Variants in FAM117A observed in about 807,000 individuals in gnomAD.
The protein encoded by FAM117A is protein FAM117A.
Under a neutral mutation model 44.1 loss-of-function variants are expected in FAM117A, and 21 were observed. The ratio of observed to expected loss-of-function variants is 0.48; its 90% CI spans 0.34 to 0.69. The LOEUF (loss-of-function observed/expected upper bound fraction) is 0.69. Ranked by LOEUF, FAM117A falls within the 30% of genes least tolerant of loss-of-function variation. The pLI, the probability that FAM117A is intolerant of heterozygous loss-of-function variation, is 0.01. For synonymous variants in FAM117A, 220 were observed against 238.3 expected (o/e 0.92, Z 0.71); for missense variants, 498 against 589.9 (o/e 0.84, Z 1.61).
At chr17:49,717,836 A>G (rs2073512566) in intron 5 of FAM117A, 122 bp from the exon 6 acceptor site, 1 of 757,788 alleles carries the variant, frequency 1.3e-6, no homozygotes, top group African/African-American at 1.8e-5. Context: ...CAACCACAGA[A>G]CACCATTTCC....
At chr17:49,742,621 G>A (rs2073639207) in intron 1 of FAM117A, among the ~76,000 whole-genome samples, 1 of 151,944 alleles carries the variant, frequency 6.6e-6, no homozygotes, top group African/African-American at 2.4e-5. Context: ...GCCTTTGCAA[G>A]AATAGCATAA....
chr17:49,777,268 A>C (rs2073777915), intron 1 of FAM117A, among the ~76,000 whole-genome samples: 1 of 152,148 alleles, frequency 6.6e-6, no homozygotes, highest in African/African-American at 2.4e-5. Context: ...AGGCTGCTGG[A>C]AGGGGAGGGG....
At chr17:49,767,257 G>A (rs983300462), upstream of FAM117A, among the ~76,000 whole-genome samples, 18 of 152,192 alleles carry the variant, frequency 1.2e-4, no homozygotes, top group African/African-American at 4.3e-4. Flanking sequence ...CTTTGGGGAG[G>A]CTGTGCACTG....
At chr17:49,745,021 A>C (rs2073649348) in intron 1 of FAM117A, among the ~76,000 whole-genome samples, 1 of 151,088 alleles carries the variant, frequency 6.6e-6, no homozygotes, top group African/African-American at 2.4e-5. Flanking sequence ...CTCAAAAAAA[A>C]AAAAAAAAAA....
intron 1 of FAM117A, among the ~76,000 whole-genome samples, chr17:49,777,542 A>G (rs1422733625): frequency 6.6e-6 from 1 of 152,146 alleles, no homozygotes; most frequent in Non-Finnish European, 1.5e-5. Flanking sequence ...GAGGGAAGAA[A>G]TAAGTGAGGC....
intron 2 of FAM117A, among the ~76,000 whole-genome samples, chr17:49,722,947 G>T (rs762246736): frequency 6.6e-6 from 1 of 152,148 alleles, no homozygotes; most frequent in Admixed American, 6.5e-5. Context: ...ATAGGCTCAG[G>T]CTCCGGGAAT....
At chr17:49,725,857 A>G (rs1797034985) in intron 2 of FAM117A, among the ~76,000 whole-genome samples, 1 of 152,238 alleles carries the variant, frequency 6.6e-6, no homozygotes, top group African/African-American at 2.4e-5. Flanking sequence ...ACGTCCTTAA[A>G]TAAGAAAGAG....
intron 1 of FAM117A, among the ~76,000 whole-genome samples, chr17:49,772,618 G>A (rs1040450468): frequency 3.3e-5 from 5 of 152,140 alleles, no homozygotes; most frequent in Admixed American, 3.3e-4. Context: ...CGGGTGTGGT[G>A]GTGGGCACCT....
chr17:49,744,444 C>G (rs571479572), intron 1 of FAM117A, among the ~76,000 whole-genome samples: 2 of 151,828 alleles, frequency 1.3e-5, no homozygotes, highest in African/African-American at 4.8e-5. Context: ...CTCAGCCTCC[C>G]GGGTAGCTGG....
intron 1 of FAM117A, among the ~76,000 whole-genome samples, chr17:49,749,109 G>A (rs2073665253): frequency 6.6e-6 from 1 of 152,166 alleles, no homozygotes; most frequent in Admixed American, 6.5e-5. Context: ...ACAAGGCGGT[G>A]GGTACAAACA....
intron 1 of FAM117A, among the ~76,000 whole-genome samples, chr17:49,746,865 T>C (rs1018307016): frequency 6.6e-6 from 1 of 152,164 alleles, no homozygotes; most frequent in Non-Finnish European, 1.5e-5. Flanking sequence ...AAAAAGGCTT[T>C]AGTTAGAATA....
intron 1 of FAM117A, among the ~76,000 whole-genome samples, chr17:49,772,168 C>T (rs947826122): frequency 2.0e-5 from 3 of 151,914 alleles, no homozygotes; most frequent in African/African-American, 7.3e-5. Flanking sequence ...TGGGGCATAC[C>T]TGTAGTCCCA....
intron 7 of FAM117A, among the ~76,000 whole-genome samples, chr17:49,711,983 A>G (rs549099700): frequency 2.6e-4 from 39 of 152,300 alleles, no homozygotes; most frequent in Non-Finnish European, 1.5e-5. Context: ...TGTCTCCAGT[A>G]AAAATACAAA....
chr17:49,732,984 C>T (rs1435211571), intron 1 of FAM117A: 2 of 443,208 alleles, frequency 4.5e-6, no homozygotes, highest in African/African-American at 2.0e-5. Context: ...TGTCCTCTAT[C>T]CTTTTCCTGC....
rs1424048913 is a variant in FAM117A, at chr17:49,720,344, T to G, written c.555A>C (p.Ala185=). The change falls in exon 4 of 8, where the codon GCA becomes GCC. Residue 185 remains alanine (A), a synonymous_variant. Transcript: ENST00000240364. ...ERGSPLLGDH[A]VRGALRASPP... is the part of the protein sequence containing the mutation. ...AACATACCCTCAGTGCTCCCCGCACTGCGTGGTCCCCTAGGAGTGGTGAAC... is the reference window on the plus strand; with the variant it reads ...AACATACCCTCAGTGCTCCCCGCACGGCGTGGTCCCCTAGGAGTGGTGAAC... 2 of 1,613,622 alleles carry G rather than the reference T, an allele frequency of 1.2e-6. No homozygotes were observed. Among genetic ancestry groups the G allele is most frequent in the East Asian group, 4.5e-5 (2 of 44,900 alleles).
At chr17:49,757,041 AC>A (rs1428211699) in intron 1 of FAM117A, among the ~76,000 whole-genome samples, 1 of 152,004 alleles carries the variant, frequency 6.6e-6, no homozygotes, top group East Asian at 1.9e-4. Context: ...AAACTCCTCA[AC>A]CCTTGATCAC....
intron 1 of FAM117A, among the ~76,000 whole-genome samples, chr17:49,773,186 T>C (rs913938966): frequency 1.3e-5 from 2 of 152,104 alleles, no homozygotes; most frequent in African/African-American, 4.8e-5. Flanking sequence ...GCGCCTATAA[T>C]CCCAGCTACC....
At chr17:49,765,447 G>A (rs1418716738), upstream of FAM117A, 1 of 152,240 alleles carries the variant, frequency 6.6e-6, no homozygotes, top group Non-Finnish European at 1.5e-5. Flanking sequence ...GGAGCCTGCT[G>A]TGAGGCAAAG....
intron 3 of FAM117A, among the ~76,000 whole-genome samples, chr17:49,721,227 C>T (rs1428177475): frequency 6.6e-6 from 1 of 152,196 alleles, no homozygotes; most frequent in African/African-American, 2.4e-5. Flanking sequence ...TACAGATTAT[C>T]ATCAACAGTT....
Sources: gnomAD v4.1 joint callset for allele counts (sites outside exome capture counted in the v4.1 genomes callset) on GRCh38, gnomAD v4.1.1 for gene constraint, MANE v1.5 for transcripts, NCBI Gene and HGNC (gene_info 2026-07-23, HGNC 2026-07-21) for gene names.